Variants in FAM53A observed in about 807,000 individuals in gnomAD.
The protein encoded by FAM53A is protein FAM53A.
FAM53A carries 28 observed loss-of-function variants against 26.6 expected under a neutral mutation model. That is an observed-to-expected ratio of 1.05 (90% CI 0.78 to 1.45). FAM53A has a LOEUF of 1.45. Ranked by LOEUF, FAM53A falls within the 40% of genes most tolerant of loss-of-function variation. FAM53A has a pLI of 0.00. For synonymous variants in FAM53A, 290 were observed against 253.1 expected (o/e 1.15, Z -1.38); for missense variants, 650 against 575.8 (o/e 1.13, Z -1.32).
rs1715657145 is a variant in FAM53A at position 1,684,263 on chromosome 4, A to T, written c.-195T>A. The T allele has an allele frequency of 6.6e-6, 1 of 150,596 alleles. No individual in the cohort carries two copies. Among genetic ancestry groups the T allele is most frequent in the Non-Finnish European group, 1.5e-5 (1 of 67,446 alleles). 9.3% of individuals were successfully genotyped at this position (150,596 alleles called of 1,614,324 possible). On this transcript the variant is annotated 5_prime_UTR_variant, in exon 1 of 5. Transcript: ENST00000308132. Reference sequence around the variant, plus strand: ...CGCGGCCGCGGGGGTGCGGAGCGAGAAGACTGCCGGCCGCCCAGGCCCCGC... The same window carrying T: ...CGCGGCCGCGGGGGTGCGGAGCGAGTAGACTGCCGGCCGCCCAGGCCCCGC...
At chr4:1,586,782 C>CAAAA in the FAM53A span, among the ~76,000 whole-genome samples, 21 of 109,410 alleles carry the variant, frequency 1.9e-4, 1 homozygote, top group Middle Eastern at 0.01. Flanking sequence ...GACTCCGTCT[C>CAAAA]AAAAAAAAAA....
the FAM53A span, among the ~76,000 whole-genome samples, chr4:1,578,532 G>T: frequency 4.6e-5 from 7 of 151,808 alleles, no homozygotes; most frequent in Admixed American, 2.0e-4. Flanking sequence ...CAGTTACGGG[G>T]AGAGGGCATC....
chr4:1,612,310 G>A, the FAM53A span, among the ~76,000 whole-genome samples: 1 of 152,214 alleles, frequency 6.6e-6, no homozygotes, highest in Non-Finnish European at 1.5e-5. Context: ...AGTGCAGATT[G>A]CTGTATTTAC....
At chr4:1,631,303 T>C (rs529795687) in intron 1 of FAM53A, among the ~76,000 whole-genome samples, 5 of 152,320 alleles carry the variant, frequency 3.3e-5, no homozygotes, top group Admixed American at 6.5e-5. Flanking sequence ...AGGCCTGCTG[T>C]GGGCAGCAAA....
chr4:1,662,463 G>A (rs1416514436), intron 2 of FAM53A, among the ~76,000 whole-genome samples: 1 of 125,402 alleles, frequency 8.0e-6, no homozygotes, highest in Non-Finnish European at 1.6e-5. Context: ...TTAGCAACAA[G>A]GGCAAGATTC....
At chr4:1,607,629 G>A in the FAM53A span, among the ~76,000 whole-genome samples, 1 of 152,054 alleles carries the variant, frequency 6.6e-6, no homozygotes. Flanking sequence ...TGGAAATCAA[G>A]CCATGCCAAG....
downstream of FAM53A, among the ~76,000 whole-genome samples, chr4:1,638,235 A>G (rs1334295069): frequency 6.6e-6 from 1 of 151,874 alleles, no homozygotes; most frequent in Non-Finnish European, 1.5e-5. Flanking sequence ...GACACGCCCA[A>G]GGGAAAATAC....
chr4:1,617,239 A>G (rs1714843766), downstream of FAM53A, among the ~76,000 whole-genome samples: 1 of 144,172 alleles, frequency 6.9e-6, no homozygotes, highest in South Asian at 2.1e-4. Flanking sequence ...ACTTAACTTT[A>G]GCAAACAGGA....
intron 2 of FAM53A, among the ~76,000 whole-genome samples, chr4:1,660,107 AC>A (rs759127883): frequency 4.3e-4 from 65 of 151,900 alleles, no homozygotes; most frequent in African/African-American, 1.4e-3. Flanking sequence ...ACATGGTGAA[AC>A]CCTGTCTTTA....
chr4:1,600,629 G>A, the FAM53A span, among the ~76,000 whole-genome samples: 1 of 152,212 alleles, frequency 6.6e-6, no homozygotes, highest in Non-Finnish European at 1.5e-5. Context: ...CCTCCCCTCT[G>A]CCCTGCTCCA....
At chr4:1,635,318 G>A (rs1715791701), downstream of FAM53A, among the ~76,000 whole-genome samples, 1 of 152,126 alleles carries the variant, frequency 6.6e-6, no homozygotes, top group East Asian at 1.9e-4. Context: ...CTGTCATCCA[G>A]GCTGGAGTGG....
intron 1 of FAM53A, among the ~76,000 whole-genome samples, chr4:1,679,043 A>G (rs1011772972): frequency 1.3e-5 from 2 of 152,224 alleles, no homozygotes; most frequent in Non-Finnish European, 2.9e-5. Flanking sequence ...AAAATTAAAA[A>G]TATCTGCTCT....
At chr4:1,648,280 C>A (rs767161200) in intron 4 of FAM53A, among the ~76,000 whole-genome samples, 11 of 152,152 alleles carry the variant, frequency 7.2e-5, no homozygotes, top group Non-Finnish European at 1.5e-4. Context: ...CCAAAGGTGC[C>A]ACATATTCAG....
intron 1 of FAM53A, among the ~76,000 whole-genome samples, chr4:1,679,386 C>CA (rs34354638): frequency 0.43 from 26,376 of 61,056 alleles, 5,369 homozygotes; most frequent in Non-Finnish European, 0.48. Context: ...ACCATGTCTC[C>CA]AAAAAAAAAA....
chr4:1,640,567 T>C lies in FAM53A; in HGVS notation c.*726A>G, dbSNP rs746537222. 5.6e-5 allele frequency: 19 copies of C among 338,498 alleles called. No individual in the cohort carries two copies. Among genetic ancestry groups the C allele is most frequent in the Admixed American group, 9.8e-5 (2 of 20,330 alleles). 21.0% of individuals were successfully genotyped at this position (338,498 alleles called of 1,614,324 possible). A position where few individuals can be genotyped will look rare whatever the true frequency, so the allele number is the denominator to read the frequency against. ...GCCATAAAAATGCAAAATGCTTCTTTAGGAAAAACTGAATCAAAATTACGC... is the reference window on the plus strand; with the variant it reads ...GCCATAAAAATGCAAAATGCTTCTTCAGGAAAAACTGAATCAAAATTACGC... On this transcript the variant is annotated 3_prime_UTR_variant, in exon 5 of 5. Coordinates refer to ENST00000308132, the MANE Select transcript of FAM53A (RefSeq NM_001174070.3).
At chr4:1,637,454 G>A (rs537864779), downstream of FAM53A, among the ~76,000 whole-genome samples, 14 of 152,280 alleles carry the variant, frequency 9.2e-5, no homozygotes, top group Non-Finnish European at 1.5e-4. Flanking sequence ...GGATGGAGAC[G>A]TATTCAGGAG....
chr4:1,633,024 G>A (rs142933746), intron 1 of FAM53A, among the ~76,000 whole-genome samples: 3 of 131,462 alleles, frequency 2.3e-5, no homozygotes, highest in Non-Finnish European at 4.4e-5. Flanking sequence ...ATAGGTACAC[G>A]CTCATGCTCA....
downstream of FAM53A, among the ~76,000 whole-genome samples, chr4:1,635,661 C>T (rs114756073): frequency 0.013 from 2,035 of 152,210 alleles, 40 homozygotes; most frequent in African/African-American, 0.046. Context: ...TCCACAAGCA[C>T]GGATCTGCCG....
At chr4:1,606,811 CG>C in the FAM53A span, among the ~76,000 whole-genome samples, 1 of 152,222 alleles carries the variant, frequency 6.6e-6, no homozygotes. Context: ...GCTGTGAATG[CG>C]GGTGCAGCTG....
Sources: allele counts gnomAD v4.1 joint callset (sites outside exome capture counted in the v4.1 genomes callset), GRCh38; gene constraint gnomAD v4.1.1; transcripts MANE v1.5; gene names NCBI Gene and HGNC (gene_info 2026-07-23, HGNC 2026-07-21).